Variants in STK3 observed in about 807,000 individuals in gnomAD.
STK3 encodes serine/threonine-protein kinase 3.
A neutral mutation model predicts 58.0 loss-of-function variants in STK3; 41 were observed. That is an observed-to-expected ratio of 0.71 (90% confidence interval 0.55 to 0.92). STK3 has a LOEUF of 0.92. STK3 is among the 40% of genes least tolerant of loss of function. STK3 has a pLI of 0.00. For missense variants in STK3, 479 were observed against 602.7 expected, an observed-to-expected ratio of 0.79 and a Z score of 2.15; for synonymous variants, 170 against 191.0, an observed-to-expected ratio of 0.89 and a Z score of 0.91.
intron 9 of STK3, among the ~76,000 whole-genome samples, chr8:98,540,905 A>G (rs1437609488): frequency 6.6e-6 from 1 of 152,210 alleles, no homozygotes; most frequent in East Asian, 1.9e-4. Flanking sequence ...GCATTCTAGC[A>G]TCTAGTCACC....
chr8:98,910,677 C>T (rs1464245458), intron 1 of STK3, among the ~76,000 whole-genome samples: 1 of 152,166 alleles, frequency 6.6e-6, no homozygotes, highest in East Asian at 1.9e-4. Flanking sequence ...TGACATTAGT[C>T]CCTGTGCATT....
At chr8:98,851,186 T>C (rs1046406410) in intron 3 of STK3, among the ~76,000 whole-genome samples, 1 of 152,136 alleles carries the variant, frequency 6.6e-6, no homozygotes, top group Non-Finnish European at 1.5e-5. Flanking sequence ...CTGACTTAAG[T>C]ATAATTTCCA....
chr8:98,885,904 ACTC>A (rs1277551824), intron 1 of STK3, among the ~76,000 whole-genome samples: 1 of 152,106 alleles, frequency 6.6e-6, no homozygotes, highest in Non-Finnish European at 1.5e-5. Context: ...GATATGCACA[ACTC>A]CTCCAATGGA....
chr8:98,453,822 TTTGA>T (rs753915842), downstream of STK3, among the ~76,000 whole-genome samples: 4 of 152,184 alleles, frequency 2.6e-5, no homozygotes, highest in Admixed American at 6.5e-5. Flanking sequence ...AAATCAGTCA[TTTGA>T]TTCCATCAAA....
At chr8:98,589,921 C>G (rs1253969799) in intron 7 of STK3, among the ~76,000 whole-genome samples, 1 of 152,256 alleles carries the variant, frequency 6.6e-6, no homozygotes, top group Non-Finnish European at 1.5e-5. Flanking sequence ...ACCCCTTGCA[C>G]TTCCCGAGTG....
At chr8:98,489,722 T>C (rs372458171) in intron 10 of STK3, among the ~76,000 whole-genome samples, 16 of 152,288 alleles carry the variant, frequency 1.1e-4, no homozygotes, top group African/African-American at 3.8e-4. Context: ...AACTGAAAAT[T>C]CCACTTTTAT....
chr8:98,846,152 T>C (rs1388044259), intron 3 of STK3, among the ~76,000 whole-genome samples: 2 of 152,222 alleles, frequency 1.3e-5, no homozygotes, highest in Non-Finnish European at 2.9e-5. Context: ...CTACATCCCA[T>C]GCAGAAATCC....
intron 6 of STK3, among the ~76,000 whole-genome samples, chr8:98,628,819 C>CAAA (rs10571679): frequency 3.1e-5 from 2 of 64,112 alleles, no homozygotes; most frequent in Non-Finnish European, 2.8e-5. Context: ...CTCCACACTC[C>CAAA]AAAAAAAAAA....
intron 6 of STK3, among the ~76,000 whole-genome samples, chr8:98,687,372 G>A (rs897027485): frequency 3.3e-5 from 5 of 152,220 alleles, no homozygotes; most frequent in Admixed American, 1.3e-4. Flanking sequence ...TGCACGTGCA[G>A]TTCACAAAAG....
intron 1 of STK3, among the ~76,000 whole-genome samples, chr8:98,813,675 A>G (rs1834362900): frequency 6.6e-6 from 1 of 152,194 alleles, no homozygotes; most frequent in Admixed American, 6.5e-5. Flanking sequence ...TTCTCCACTT[A>G]TCATAAACTG....
At chr8:98,654,094 G>GACAAACCGCAT (rs1175120970) in intron 6 of STK3, among the ~76,000 whole-genome samples, 1 of 152,108 alleles carries the variant, frequency 6.6e-6, no homozygotes, top group Non-Finnish European at 1.5e-5. Flanking sequence ...ATAAAATACT[G>GACAAACCGCAT]ACAAACCGCA....
chr8:98,527,763 C>T (rs998644081), intron 9 of STK3, among the ~76,000 whole-genome samples: 4 of 152,136 alleles, frequency 2.6e-5, no homozygotes, highest in African/African-American at 9.7e-5. Context: ...TCCATGGCTT[C>T]GCCTGCCACA....
intron 6 of STK3, among the ~76,000 whole-genome samples, chr8:98,678,906 T>C (rs1191262464): frequency 1.3e-5 from 2 of 152,234 alleles, no homozygotes; most frequent in Non-Finnish European, 2.9e-5. Context: ...ATAAACTCTA[T>C]ATTTCATTCC....
At chr8:98,767,199 C>A in intron 3 of STK3, 44 bp downstream of exon 3, 1 of 1,510,606 alleles carries the variant, frequency 6.6e-7, no homozygotes, top group Non-Finnish European at 8.8e-7. Flanking sequence ...ATTAGCAAAA[C>A]TCGTCAAAAC....
At chr8:98,583,174 T>C (rs759772790) in intron 7 of STK3, among the ~76,000 whole-genome samples, 1 of 152,148 alleles carries the variant, frequency 6.6e-6, no homozygotes, top group Non-Finnish European at 1.5e-5. Context: ...TAATTTCACT[T>C]TTTACATTAC....
intron 10 of STK3, among the ~76,000 whole-genome samples, chr8:98,488,466 T>G (rs560031861): frequency 6.6e-6 from 1 of 152,016 alleles, no homozygotes; most frequent in African/African-American, 2.4e-5. Context: ...GTTACTAGGG[T>G]AGGGTAGGGA....
At chr8:98,648,072 C>T (rs914370321) in intron 6 of STK3, among the ~76,000 whole-genome samples, 6 of 152,120 alleles carry the variant, frequency 3.9e-5, no homozygotes, top group African/African-American at 1.2e-4. Context: ...TTTCCCCTAC[C>T]TTTCTCTACA....
the STK3 span, among the ~76,000 whole-genome samples, chr8:98,351,992 T>C: frequency 5.2e-4 from 79 of 152,114 alleles, no homozygotes; most frequent in African/African-American, 1.8e-3. Context: ...ACCCCGTCTC[T>C]ACTAAAAATA....
At chr8:98,620,436 T>A (rs1304681645) in intron 6 of STK3, among the ~76,000 whole-genome samples, 2 of 143,308 alleles carry the variant, frequency 1.4e-5, no homozygotes, top group African/African-American at 2.6e-5. Flanking sequence ...CTGCACAATG[T>A]GCACATGTAC....
Sources: gnomAD v4.1 joint callset for allele counts (sites outside exome capture counted in the v4.1 genomes callset) on GRCh38, gnomAD v4.1.1 for gene constraint, MANE v1.5 for transcripts, NCBI Gene and HGNC (gene_info 2026-07-23, HGNC 2026-07-21) for gene names.